The following MCM10 variants were observed in gnomAD, a reference collection of about 807,000 sequenced individuals.
MCM10 encodes protein MCM10 homolog.
A neutral mutation model predicts 109.9 loss-of-function variants in MCM10; 91 were observed. That is an observed-to-expected ratio of 0.83 (90% CI 0.70 to 0.99). The LOEUF (loss-of-function observed/expected upper bound fraction) is 0.99. MCM10 is among the 50% of genes least tolerant of loss of function. The probability of loss-of-function intolerance (pLI) is 0.00; values close to 1 mark genes in which losing one functional copy is unlikely to be tolerated. For synonymous variants in MCM10, 380 were observed against 387.2 expected, an observed-to-expected ratio of 0.98 and a Z score of 0.22; for missense variants, 1,077 against 1,061.2, an observed-to-expected ratio of 1.01 and a Z score of -0.21.
At chr10:13,170,686 G>T (rs1243948557) in intron 2 of MCM10, among the ~76,000 whole-genome samples, 1 of 150,070 alleles carries the variant, frequency 6.7e-6, no homozygotes, top group African/African-American at 2.4e-5. Context: ...TTTTTTGTTT[G>T]TTTGTTTGTT....
At chr10:13,208,481 G>A (rs983538604) in intron 18 of MCM10, among the ~76,000 whole-genome samples, 1 of 149,246 alleles carries the variant, frequency 6.7e-6, no homozygotes, top group Admixed American at 6.8e-5. Flanking sequence ...CGTAATCCCA[G>A]CACTTTGGGA....
At chr10:13,165,646 G>C (rs544242402) in intron 2 of MCM10, among the ~76,000 whole-genome samples, 1 of 152,002 alleles carries the variant, frequency 6.6e-6, no homozygotes, top group African/African-American at 2.4e-5. Flanking sequence ...AGGCCAAGGT[G>C]GGTGGATCAC....
intron 8 of MCM10, among the ~76,000 whole-genome samples, chr10:13,185,829 C>T (rs1834267670): frequency 2.0e-5 from 3 of 152,184 alleles, no homozygotes; most frequent in African/African-American, 7.2e-5. Context: ...GGTGTGATCA[C>T]AGCTCATTTC....
chr10:13,188,955 G>T lies in MCM10; in HGVS notation c.1290G>T (p.Gln430His), dbSNP rs1834311391. 6.2e-7 allele frequency: 1 copy of T among 1,614,134 alleles called. No homozygotes were observed. The highest frequency in any genetic ancestry group is 8.5e-7 in the Non-Finnish European group (1 of 1,180,056). Residue 430 changes from glutamine (Q) to histidine (H), a missense_variant, in exon 10 of 20, where the codon CAG becomes CAT. Gln to His is a conservative substitution (Grantham distance 24). Coordinates refer to ENST00000378714, the MANE Select transcript of MCM10 (RefSeq NM_018518.5). Reference protein sequence around the residue: ...KKLSAKRADLQSTFSGGRIPK... With the variant: ...KKLSAKRADLHSTFSGGRIPK... ...TCAGCGCAAAGCGTGCGGATCTGCA[G>T]TCCACCTTCTCTGGAGGACGAATTC...
rs1834650683 is a variant in MCM10 at position 13,210,742 on chromosome 10, T to G, written c.*1432T>G. ...ACTTCTACTTTATAGAAGGTTGCTT[T>G]TCTTTTTAATTTTTTCTAACAAAGA... On this transcript the variant is annotated 3_prime_UTR_variant, in exon 20 of 20. Transcript: ENST00000378714. The G allele has an allele frequency of 6.6e-6, 1 of 152,246 alleles. No homozygotes were observed. Among genetic ancestry groups the G allele is most frequent in the Admixed American group, 6.5e-5 (1 of 15,284 alleles). The allele number at this position is 152,246 out of a possible 1,614,324, so 9.4% of individuals were successfully genotyped here.
At chr10:13,162,456 C>T (rs538536505) in intron 1 of MCM10, among the ~76,000 whole-genome samples, 22 of 152,188 alleles carry the variant, frequency 1.4e-4, no homozygotes, top group African/African-American at 5.1e-4. Flanking sequence ...ACAGATTGCA[C>T]GGGGACAAAG....
In MCM10 at chr10:13,198,785, AAC is replaced by A. The variant is rs1479276320; in HGVS notation, c.2222_2223del (p.Thr741ArgfsTer9). 1 of 1,612,778 alleles carries A rather than the reference AAC, an allele frequency of 6.2e-7. No homozygotes were observed. On this transcript the variant is annotated frameshift_variant, in exon 16 of 20. Coordinates refer to ENST00000378714, the MANE Select transcript of MCM10 (RefSeq NM_018518.5). LOFTEE classifies it high-confidence loss of function. ...CAGAAAATCCTAAAAGCAAAATCAA[AAC>A]ACACAGGCATCCTGAAAGAGGTAAG...
intron 8 of MCM10, 38 bp from the exon 9 acceptor site, chr10:13,186,126 T>C (rs918095674): frequency 1.9e-5 from 22 of 1,159,652 alleles, no homozygotes; most frequent in Admixed American, 1.1e-4. Context: ...GGCCATAATT[T>C]TGTCCGCCTT....
chr10:13,176,408 T>G (rs1414770901), intron 6 of MCM10, among the ~76,000 whole-genome samples: 1 of 152,212 alleles, frequency 6.6e-6, no homozygotes, highest in African/African-American at 2.4e-5. Context: ...TACATCTGGA[T>G]AATCCCAGGG....
chr10:13,195,355 A>G (rs2131582333), intron 14 of MCM10, 86 bp downstream of exon 14: 2 of 959,134 alleles, frequency 2.1e-6, no homozygotes, highest in Non-Finnish European at 3.1e-6. Context: ...ATAGCTCTTT[A>G]TTGATCGTGA....
rs544718421 is a variant in MCM10 at position 13,209,099 on chromosome 10, G to A, written c.2507G>A (p.Gly836Asp). 221 of 1,612,696 alleles carry A rather than the reference G, an allele frequency of 1.4e-4. 2 individuals are homozygous for A. In the South Asian group the frequency reaches 2.2e-3, roughly 16 times the overall value. ...RLPNKHCSNC[G>D]LYKWERDGML... The stretch of plus-strand genomic sequence containing the variant: ...CATCTGTTCTGTTTCAGTAACTGTG[G>A]CCTCTACAAATGGGAACGGGACGGA... The change falls in exon 19 of 20, where the codon GGC (glycine) becomes GAC (aspartate). Residue 836 changes from glycine (G) to aspartate (D), a missense_variant. Coordinates refer to ENST00000378714, the MANE Select transcript of MCM10 (RefSeq NM_018518.5).
chr10:13,169,268 G>A (rs187231929), intron 2 of MCM10, among the ~76,000 whole-genome samples: 7 of 152,302 alleles, frequency 4.6e-5, no homozygotes, highest in Admixed American at 3.9e-4. Flanking sequence ...TGCCATGGAC[G>A]CGGCAACCCA....
Position 13,186,341 on chromosome 10 carries a change from G to A in MCM10, c.1215+61G>A, listed in dbSNP as rs189494547. ...AGAAAAGAACAGTTAGGAATAAACT[G>A]TTGGTGCTTTAGCTGTGATGACCAG... On this transcript the variant is annotated intron_variant, in intron 9 of 19. Coordinates refer to ENST00000378714, the MANE Select transcript of MCM10 (RefSeq NM_018518.5). The A allele has an allele frequency of 2.2e-4, 260 of 1,163,216 alleles. 1 individual carries two copies. Among genetic ancestry groups the A allele is most frequent in the Non-Finnish European group, 3.1e-4 (240 of 784,344 alleles). 72.1% of individuals were successfully genotyped at this position (1,163,216 alleles called of 1,614,324 possible).
chr10:13,165,171 A>G (rs1487400029), intron 2 of MCM10, among the ~76,000 whole-genome samples: 2 of 152,224 alleles, frequency 1.3e-5, no homozygotes, highest in African/African-American at 2.4e-5. Flanking sequence ...GTGATAAAGT[A>G]TAATTTATGA....
rs201680972 is a variant in MCM10, at chr10:13,188,858, T to G, written c.1216-23T>G. 107 of 1,609,646 alleles carry G rather than the reference T, an allele frequency of 6.6e-5. 1 individual carries two copies. The African/African-American group carries it at 1.2e-3, about 18-fold the overall frequency. ...TCCCAGCCTGTTGCCCTCATCCTGATGCCACTGCTCTGCCTTTTGCAGCGT... is the reference window on the plus strand; with the variant it reads ...TCCCAGCCTGTTGCCCTCATCCTGAGGCCACTGCTCTGCCTTTTGCAGCGT... On this transcript the variant is annotated intron_variant, in intron 9 of 19. Coordinates refer to ENST00000378714, the MANE Select transcript of MCM10 (RefSeq NM_018518.5).
intron 2 of MCM10, among the ~76,000 whole-genome samples, chr10:13,168,304 C>T (rs1271017115): frequency 6.6e-6 from 1 of 152,228 alleles, no homozygotes; most frequent in African/African-American, 2.4e-5. Flanking sequence ...AATCCTTATA[C>T]AACCTCTGAC....
At chr10:13,166,678 AT>A (rs1564379621) in intron 2 of MCM10, among the ~76,000 whole-genome samples, 33 of 141,896 alleles carry the variant, frequency 2.3e-4, no homozygotes, top group Admixed American at 1.5e-3. Flanking sequence ...ATATATATAT[AT>A]ATATATATAT....
chr10:13,161,782 G>T (rs1833930086), intron 1 of MCM10, among the ~76,000 whole-genome samples, 176 bp downstream of exon 1: 1 of 152,226 alleles, frequency 6.6e-6, no homozygotes, highest in African/African-American at 2.4e-5. Context: ...AGCTGGCATG[G>T]CCGGGCCGGG....
At chr10:13,198,196 G>C (rs1052776536) in intron 15 of MCM10, among the ~76,000 whole-genome samples, 3 of 152,152 alleles carry the variant, frequency 2.0e-5, no homozygotes, top group Admixed American at 1.3e-4. Flanking sequence ...ACAGACGTGA[G>C]CTGGAACTGA....
Sources: gnomAD v4.1 joint callset for allele counts (sites outside exome capture counted in the v4.1 genomes callset) on GRCh38, gnomAD v4.1.1 for gene constraint, MANE v1.5 for transcripts, NCBI Gene and HGNC (gene_info 2026-07-23, HGNC 2026-07-21) for gene names.